Variants in FAM120B observed in about 807,000 individuals in gnomAD.
FAM120B encodes the protein constitutive coactivator of peroxisome proliferator-activated receptor gamma.
Under a neutral mutation model 96.3 loss-of-function variants are expected in FAM120B, and 83 were observed. The ratio of observed to expected loss-of-function variants is 0.86; its 90% CI spans 0.72 to 1.03. The LOEUF is 1.03. Among genes scored for constraint, FAM120B ranks in the 50% least tolerant of loss-of-function variants. The pLI is 0.00. For synonymous variants in FAM120B, 407 were observed against 402.7 expected, an observed-to-expected ratio of 1.01 and a Z score of -0.13; for missense variants, 1,027 against 1,121.2, an observed-to-expected ratio of 0.92 and a Z score of 1.20.
rs1298393178 is a variant in FAM120B at position 170,317,182 on chromosome 6, A to G, written c.-21-188A>G. Among the ~76,000 whole-genome samples, 11 of 152,208 alleles carry G rather than the reference A, an allele frequency of 7.2e-5. No homozygotes were observed. The East Asian group carries it at 1.9e-3, about 27-fold the overall frequency. ...AGTCCAACTCAAGTAATTAACTTAT[A>G]CTTAGGTAAAGTTCCTCATATGTTT... On this transcript the variant is annotated intron_variant, in intron 1 of 10. Coordinates refer to ENST00000476287, the MANE Select transcript of FAM120B (RefSeq NM_032448.3).
In FAM120B at chr6:170,319,105, C is replaced by T; in HGVS notation, c.1715C>T (p.Ser572Leu). ...GTAAAGCAACAAGTAACCATGGTTT[C>T]AGACACTGAAATCTTAAAGGTATGT... is the stretch of plus-strand genomic sequence containing the variant. Reference protein sequence around the residue: ...PEVKQQVTMVSDTEILKVART... With the variant: ...PEVKQQVTMVLDTEILKVART... The change falls in exon 2 of 11, where the codon TCA becomes TTA. Residue 572 changes from serine (S) to leucine (L), a missense_variant. This residue lies in a region of FAM120B where 880 missense variants were observed against 980.9 expected (regional missense o/e 0.90). Coordinates refer to ENST00000476287, the MANE Select transcript of FAM120B (RefSeq NM_032448.3). The T allele has an allele frequency of 6.4e-7, 1 of 1,568,514 alleles. No homozygotes were observed. Among genetic ancestry groups the T allele is most frequent in the Non-Finnish European group, 8.6e-7 (1 of 1,162,388 alleles).
intron 3 of FAM120B, among the ~76,000 whole-genome samples, chr6:170,324,061 GAGA>G (rs1434316473): frequency 6.6e-6 from 1 of 152,212 alleles, no homozygotes; most frequent in Non-Finnish European, 1.5e-5. Context: ...GGATAAGAGA[GAGA>G]AGGAGTAGGA....
chr6:170,344,887 C>G (rs1411868533), intron 4 of FAM120B, among the ~76,000 whole-genome samples: 1 of 152,204 alleles, frequency 6.6e-6, no homozygotes, highest in Non-Finnish European at 1.5e-5. Context: ...CCCTTTTCTT[C>G]TCTCGTCTTT....
intron 1 of FAM120B, among the ~76,000 whole-genome samples, chr6:170,301,641 TTTCTTCCACCA>T (rs1469643748): frequency 1.8e-4 from 28 of 152,222 alleles, no homozygotes; most frequent in African/African-American, 6.0e-4. Flanking sequence ...TGTCTAGAAA[TTTCTTCCACCA>T]GATACCCTAA....
chr6:170,398,207 G>A (rs57815549), intron 9 of FAM120B, among the ~76,000 whole-genome samples: 4,005 of 152,360 alleles, frequency 0.026, 159 homozygotes, highest in African/African-American at 0.087. Context: ...CAGGCATCTG[G>A]CCTGGATAAC....
chr6:170,318,205 C>T lies in FAM120B; in HGVS notation c.815C>T (p.Ser272Leu), dbSNP rs754445368. The stretch of plus-strand genomic sequence containing the variant: ...ATATTAGCTGTGTCAGACCATATAT[C>T]GAAAGTTCTTTACTTGTATCAAGGT... ...NIILAVSDHI[S>L]KVLYLYQGEK... The change falls in exon 2 of 11, where the codon TCG (serine) becomes TTG (leucine). Residue 272 changes from serine (S) to leucine (L), a missense_variant. Physicochemically the swap from Ser to Leu is moderately radical, Grantham distance 145. Transcript: ENST00000476287. 3.0e-5 allele frequency: 49 copies of T among 1,613,704 alleles called. No homozygotes were observed. Among genetic ancestry groups the T allele is most frequent in the Non-Finnish European group, 3.8e-5 (45 of 1,179,924 alleles).
At chr6:170,326,241 AGTT>A (rs1351145560) in intron 3 of FAM120B, among the ~76,000 whole-genome samples, 1 of 152,160 alleles carries the variant, frequency 6.6e-6, no homozygotes, top group Non-Finnish European at 1.5e-5. Context: ...GACCTTATTC[AGTT>A]GTGCCATTTT....
At chr6:170,291,550 G>A (rs1039147958), upstream of FAM120B, among the ~76,000 whole-genome samples, 3 of 152,218 alleles carry the variant, frequency 2.0e-5, no homozygotes, top group Non-Finnish European at 4.4e-5. Context: ...TGGCGATTCG[G>A]GGAGCATCGT....
In FAM120B at chr6:170,317,823, C is replaced by A; in HGVS notation, c.433C>A (p.Leu145Ile). The A allele has an allele frequency of 1.2e-6, 2 of 1,614,206 alleles. No individual in the cohort carries two copies. Among genetic ancestry groups the A allele is most frequent in the South Asian group, 1.1e-5 (1 of 91,090 alleles). Residue 145 changes from leucine (L) to isoleucine (I), a missense_variant, in exon 2 of 11, where the codon CTA (leucine) becomes ATA (isoleucine). By Grantham distance (5) the Leu-to-Ile change is conservative. Around this residue, in one of 3 missense-constraint regions of FAM120B, gnomAD observed 880 missense variants for 980.9 expected, o/e 0.90. Coordinates refer to ENST00000476287, the MANE Select transcript of FAM120B (RefSeq NM_032448.3). ...GCTAGCTGTGTTTACACGATTTGCT[C>A]TAAAGACACTGGGCCAGGAAACTTT... ...SGLAVFTRFA[L>I]KTLGQETLCS... is the part of the protein sequence containing the mutation.
At chr6:170,343,945 G>A (rs1583233700) in intron 4 of FAM120B, among the ~76,000 whole-genome samples, 2 of 152,082 alleles carry the variant, frequency 1.3e-5, no homozygotes, top group South Asian at 2.1e-4. Context: ...TGTTGCCTGC[G>A]GTGCTAGCCT....
Position 170,388,089 on chromosome 6 carries a change from G to A in FAM120B, c.2284-198G>A, listed in dbSNP as rs997188000. Among the ~76,000 whole-genome samples, 3 of 152,328 alleles carry A rather than the reference G, an allele frequency of 2.0e-5. No homozygotes were observed. In the East Asian group the frequency reaches 5.8e-4, roughly 29 times the overall value. On this transcript the variant is annotated intron_variant, in intron 6 of 10. Transcript: ENST00000476287. The stretch of plus-strand genomic sequence containing the variant: ...TGACTGTAGAGGCACCCTCATTTCT[G>A]TCAGCTGAGGTTGTTTCCAAGGCCT...
At position 170,405,051 on chromosome 6, in the gene FAM120B, A is replaced by G. The variant is rs925754526; in HGVS notation, c.*300A>G. ...ATATATATGATGCCTAGCTAATTTC[A>G]TTTTAAAATAAATGGGAATCTGTTG... On this transcript the variant is annotated 3_prime_UTR_variant, in exon 11 of 11. Transcript: ENST00000476287. 1.3e-5 allele frequency: 2 copies of G among 159,072 alleles called. No homozygotes were observed. Among genetic ancestry groups the G allele is most frequent in the East Asian group, 1.8e-4 (1 of 5,440 alleles). 9.9% of individuals were successfully genotyped at this position (159,072 alleles called of 1,614,324 possible). A position where few individuals can be genotyped will look rare whatever the true frequency, so the allele number is the denominator to read the frequency against.
intron 6 of FAM120B, among the ~76,000 whole-genome samples, chr6:170,372,125 C>G (rs752891682): frequency 7.9e-5 from 12 of 152,076 alleles, no homozygotes; most frequent in Non-Finnish European, 1.5e-4. Flanking sequence ...TCTAGACATA[C>G]AGTGTCTTGT....
At chr6:170,376,938 G>T (rs1406279651) in intron 6 of FAM120B, among the ~76,000 whole-genome samples, 1 of 142,934 alleles carries the variant, frequency 7.0e-6, no homozygotes, top group Middle Eastern at 3.5e-3. Flanking sequence ...AAACCCAGAC[G>T]CCTGGGAGAG....
intron 1 of FAM120B, among the ~76,000 whole-genome samples, chr6:170,296,556 C>T (rs1444792122): frequency 1.3e-5 from 2 of 151,792 alleles, no homozygotes; most frequent in African/African-American, 4.8e-5. Flanking sequence ...CCCGCATTCC[C>T]ACCTCACCGG....
chr6:170,316,880 A>T (rs1328908574), intron 1 of FAM120B, among the ~76,000 whole-genome samples: 2 of 152,234 alleles, frequency 1.3e-5, no homozygotes, highest in Non-Finnish European at 2.9e-5. Context: ...ACGGATTAGC[A>T]TAACTCTTCC....
At chr6:170,307,759 G>A (rs998582410) in intron 1 of FAM120B, among the ~76,000 whole-genome samples, 3 of 152,308 alleles carry the variant, frequency 2.0e-5, no homozygotes, top group Admixed American at 2.0e-4. Context: ...ATAGGGGTGG[G>A]GATGAGGGTG....
At chr6:170,358,161 T>C (rs527557639) in intron 5 of FAM120B, 65 bp from the exon 6 acceptor site, 1 of 1,360,502 alleles carries the variant, frequency 7.4e-7, no homozygotes, top group East Asian at 2.5e-5. Context: ...ATAACTGAGA[T>C]CAATTTGTAA....
chr6:170,321,584 G>T (rs1785290185), intron 2 of FAM120B, among the ~76,000 whole-genome samples: 1 of 152,132 alleles, frequency 6.6e-6, no homozygotes, highest in African/African-American at 2.4e-5. Flanking sequence ...TCGCCATGTT[G>T]CCCAGGCTGG....
Sources: allele counts gnomAD v4.1 joint callset (sites outside exome capture counted in the v4.1 genomes callset), GRCh38; gene constraint gnomAD v4.1.1; regional missense constraint gnomAD v4.1.1; transcripts MANE v1.5; gene names NCBI Gene and HGNC (gene_info 2026-07-23, HGNC 2026-07-21).